The following MAGI1 variants were observed in gnomAD, a reference collection of about 807,000 sequenced individuals.
The protein encoded by MAGI1 is membrane associated guanylate kinase, WW and PDZ domain containing 1, also known as membrane-associated guanylate kinase, WW and PDZ domain-containing protein 1.
A neutral mutation model predicts 139.9 loss-of-function variants in MAGI1; 58 were observed. The observed-to-expected ratio is 0.41, with a 90% CI of 0.34 to 0.52. The LOEUF (loss-of-function observed/expected upper bound fraction) is 0.52, where lower values mean the gene tolerates loss of function less well. Among genes scored for constraint, MAGI1 ranks in the 20% least tolerant of loss-of-function variants. The pLI, the probability that MAGI1 is intolerant of heterozygous loss-of-function variation, is 0.12. For missense variants in MAGI1, 1,874 were observed against 1,901.6 expected (o/e 0.99, Z 0.27); for synonymous variants, 812 against 737.9 (o/e 1.10, Z -1.63).
At chr3:65,719,017 C>CAAAAAAAAAAAAAA (rs57290579) in intron 1 of MAGI1, among the ~76,000 whole-genome samples, 2 of 96,386 alleles carry the variant, frequency 2.1e-5, no homozygotes, top group Non-Finnish European at 4.2e-5. Context: ...ATAACCCTAC[C>CAAAAAAAAAAAAAA]AAAAAAAAAA....
chr3:65,901,626 T>C (rs2061237134), intron 1 of MAGI1, among the ~76,000 whole-genome samples: 1 of 152,212 alleles, frequency 6.6e-6, no homozygotes. Flanking sequence ...TTGAAAATAT[T>C]TCTGTTAAGC....
chr3:65,691,168 T>C (rs2107562910), intron 1 of MAGI1, among the ~76,000 whole-genome samples: 1 of 151,750 alleles, frequency 6.6e-6, no homozygotes, highest in Admixed American at 6.5e-5. Context: ...CCGGGCGTGG[T>C]GGCGGGCGCC....
chr3:65,832,537 C>G (rs2042584801), intron 1 of MAGI1, among the ~76,000 whole-genome samples: 1 of 152,058 alleles, frequency 6.6e-6, no homozygotes, highest in Non-Finnish European at 1.5e-5. Flanking sequence ...GTTCATTCAT[C>G]TTTCAAGACT....
chr3:65,735,356 C>CATGTGTGTGTGTGTGTGT (rs1553699336), intron 1 of MAGI1, among the ~76,000 whole-genome samples: 43 of 148,078 alleles, frequency 2.9e-4, no homozygotes, highest in African/African-American at 8.9e-4. Context: ...TGTGTCTGCA[C>CATGTGTGTGTGTGTGTGT]GTGTGTGTGT....
At chr3:65,780,917 T>C (rs1171028999) in intron 1 of MAGI1, among the ~76,000 whole-genome samples, 2 of 152,246 alleles carry the variant, frequency 1.3e-5, no homozygotes, top group Non-Finnish European at 2.9e-5. Flanking sequence ...TTGCATATTG[T>C]ATTTTTTAAA....
intron 1 of MAGI1, among the ~76,000 whole-genome samples, chr3:65,862,414 TTCTG>T (rs1319995045): frequency 6.6e-5 from 10 of 152,294 alleles, no homozygotes; most frequent in African/African-American, 2.2e-4. Context: ...CCTCTTCCCT[TTCTG>T]TCTCTGTGTT....
At chr3:65,626,223 G>T (rs962198915) in intron 1 of MAGI1, among the ~76,000 whole-genome samples, 7 of 152,138 alleles carry the variant, frequency 4.6e-5, no homozygotes, top group African/African-American at 1.7e-4. Context: ...TTCAGATACA[G>T]TAACTTTTTA....
chr3:65,754,893 G>A (rs2036437783), intron 1 of MAGI1, among the ~76,000 whole-genome samples: 1 of 152,064 alleles, frequency 6.6e-6, no homozygotes, highest in Admixed American at 6.6e-5. Flanking sequence ...AGGTGAGGAA[G>A]GGGCTGGCCA....
intron 1 of MAGI1, among the ~76,000 whole-genome samples, chr3:65,843,675 T>C (rs1289468870): frequency 1.3e-5 from 2 of 152,154 alleles, no homozygotes; most frequent in African/African-American, 4.8e-5. Flanking sequence ...ATCAGGTTCC[T>C]GGTATAGGGA....
At chr3:65,661,949 A>C (rs1385869852) in intron 1 of MAGI1, among the ~76,000 whole-genome samples, 1 of 151,638 alleles carries the variant, frequency 6.6e-6, no homozygotes, top group African/African-American at 2.4e-5. Context: ...GGGTTTCACC[A>C]TGTTAGCCAG....
intron 13 of MAGI1, among the ~76,000 whole-genome samples, chr3:65,398,848 T>C (rs1403912555): frequency 6.6e-6 from 1 of 152,168 alleles, no homozygotes; most frequent in Non-Finnish European, 1.5e-5. Flanking sequence ...AATGAGTATA[T>C]AAACCACAAT....
At chr3:65,628,148 T>C (rs1379976002) in intron 1 of MAGI1, among the ~76,000 whole-genome samples, 1 of 152,110 alleles carries the variant, frequency 6.6e-6, no homozygotes, top group East Asian at 1.9e-4. Context: ...TATCTTAACA[T>C]TTCTGAATTC....
At chr3:65,921,498 C>T (rs73122149) in intron 1 of MAGI1, among the ~76,000 whole-genome samples, 43,893 of 151,492 alleles carry the variant, frequency 0.29, 7,124 homozygotes, top group Middle Eastern at 0.37. Context: ...TTGGTAGAGA[C>T]GGGGTTTCAC....
At chr3:65,688,459 T>C in intron 1 of MAGI1, 7 of 477,428 alleles carry the variant, frequency 1.5e-5, no homozygotes, top group Non-Finnish European at 2.5e-5. Flanking sequence ...GCATGGAAAC[T>C]CAAAAGTGAC....
intron 1 of MAGI1, among the ~76,000 whole-genome samples, chr3:65,656,342 T>G (rs1172720164): frequency 6.6e-6 from 1 of 152,196 alleles, no homozygotes; most frequent in African/African-American, 2.4e-5. Context: ...CTGTTCCATT[T>G]GGCCTCCCGA....
chr3:65,959,804 T>TA (rs2064331765), intron 1 of MAGI1, among the ~76,000 whole-genome samples: 1 of 115,070 alleles, frequency 8.7e-6, no homozygotes, highest in African/African-American at 3.2e-5. Context: ...CTCTCTTTTT[T>TA]TTTTTTTTTT....
At chr3:65,878,074 G>T (rs745904018) in intron 1 of MAGI1, among the ~76,000 whole-genome samples, 1 of 151,748 alleles carries the variant, frequency 6.6e-6, no homozygotes, top group Admixed American at 6.6e-5. Context: ...TCACACCACT[G>T]CACTCCAGCC....
chr3:65,947,405 G>A (rs2106904330), intron 1 of MAGI1, among the ~76,000 whole-genome samples: 1 of 152,128 alleles, frequency 6.6e-6, no homozygotes, highest in South Asian at 2.1e-4. Context: ...ACCTAAAATG[G>A]AGGAACACAA....
chr3:65,702,321 T>C (rs1034272579), intron 1 of MAGI1, among the ~76,000 whole-genome samples: 2 of 152,154 alleles, frequency 1.3e-5, no homozygotes, highest in African/African-American at 4.8e-5. Context: ...ATGTAGTCAT[T>C]AGGCAGAAAG....
Sources: gnomAD v4.1 joint callset for allele counts (sites outside exome capture counted in the v4.1 genomes callset) on GRCh38, gnomAD v4.1.1 for gene constraint, MANE v1.5 for transcripts, NCBI Gene and HGNC (gene_info 2026-07-23, HGNC 2026-07-21) for gene names.